The following PRDX4 variants were observed in gnomAD, a reference collection of about 807,000 sequenced individuals.
PRDX4 encodes peroxiredoxin-4.
PRDX4 carries 12 observed loss-of-function variants against 20.5 expected under a neutral mutation model. The observed-to-expected ratio is 0.58, with a 90% CI of 0.37 to 0.95. The LOEUF is 0.95. Among genes scored for constraint, PRDX4 ranks in the 40% least tolerant of loss-of-function variants. The pLI, the probability that PRDX4 is intolerant of heterozygous loss-of-function variation, is 0.01. For missense variants in PRDX4, 180 were observed against 207.3 expected (o/e 0.87, Z 0.81); for synonymous variants, 99 against 87.5 (o/e 1.13, Z -0.73).
chrX:23,675,375 T>G lies in PRDX4; in HGVS notation c.476+269T>G, dbSNP rs968370257. On this transcript the variant is annotated intron_variant, in intron 3 of 6. Transcript: ENST00000379341. ...AAAAGTTAAATGCAATAGATGTGAT[T>G]TCTATAGCGAAAACCACTGAATTAT... 6 of 444,566 alleles carry G rather than the reference T, an allele frequency of 1.3e-5. No homozygotes were observed. The African/African-American group carries it at 1.5e-4, about 11-fold the overall frequency. 36.6% of individuals were successfully genotyped at this position (444,566 alleles called of 1,213,427 possible).
At chrX:23,680,879 C>G (rs1221119397) in intron 4 of PRDX4, among the ~76,000 whole-genome samples, 1 of 110,421 alleles carries the variant, frequency 9.1e-6, no homozygotes, top group East Asian at 2.8e-4. Flanking sequence ...CCACTGCACT[C>G]TCGCCTGGGT....
chrX:23,681,252 G>T (rs976470552), intron 4 of PRDX4, among the ~76,000 whole-genome samples: 1 of 111,257 alleles, frequency 9.0e-6, no homozygotes, highest in African/African-American at 3.3e-5. Context: ...AATAAATAAA[G>T]AATACATTTC....
intron 3 of PRDX4, among the ~76,000 whole-genome samples, chrX:23,677,981 A>G (rs1374867993): frequency 2.7e-5 from 3 of 112,489 alleles, no homozygotes. Flanking sequence ...GTTTATCAAG[A>G]CACAGCCCCA....
chrX:23,677,007 T>A lies in PRDX4; in HGVS notation c.476+1901T>A, dbSNP rs760259563. ...GCACCACCATACCTATTTTAATTTT[T>A]ATTTTTGTAGAGATGGAGTCTTGCC... On this transcript the variant is annotated intron_variant, in intron 3 of 6. Transcript: ENST00000379341. Among the ~76,000 whole-genome samples the A allele has an allele frequency of 3.4e-3, 373 of 110,721 alleles. 2 individuals are homozygous for A. Among genetic ancestry groups the A allele is most frequent in the African/African-American group, 0.011 (339 of 30,484 alleles).
intron 4 of PRDX4, among the ~76,000 whole-genome samples, chrX:23,679,897 G>A (rs1019082280): frequency 1.8e-5 from 2 of 111,444 alleles, no homozygotes; most frequent in Non-Finnish European, 3.8e-5. Flanking sequence ...CAGGAGAATC[G>A]CTCGAACCCA....
intron 6 of PRDX4, among the ~76,000 whole-genome samples, chrX:23,685,257 G>A (rs112125823): frequency 0.015 from 1,716 of 112,190 alleles, 19 homozygotes; most frequent in Middle Eastern, 0.046. Flanking sequence ...TGGAGATGAT[G>A]TTTTCATCAG....
At chrX:23,679,028 AAGTAT>A (rs1370994472) in intron 3 of PRDX4, 132 bp from the exon 4 acceptor site, 15 of 617,312 alleles carry the variant, frequency 2.4e-5, no homozygotes, top group Non-Finnish European at 3.7e-5. Context: ...AGAAAATAGA[AAGTAT>A]ATTAGCCTGT....
rs979857075 is a variant in PRDX4 at position 23,674,922 on chromosome X, G to A, written c.360-68G>A. 4 of 1,136,986 alleles carry A rather than the reference G, an allele frequency of 3.5e-6. No individual in the cohort carries two copies. The African/African-American group carries it at 5.5e-5, about 16-fold the overall frequency. The allele number at this position is 1,136,986 out of a possible 1,213,427, so 93.7% of individuals were successfully genotyped here. On this transcript the variant is annotated intron_variant, in intron 2 of 6. Coordinates refer to ENST00000379341, the MANE Select transcript of PRDX4 (RefSeq NM_006406.2). ...ATTATTAAAGGTATTTGTAAAAATTGTCATTTGAAAGTTTAGGTATATGCT... is the reference window on the plus strand; with the variant it reads ...ATTATTAAAGGTATTTGTAAAAATTATCATTTGAAAGTTTAGGTATATGCT...
chrX:23,671,945 T>C (rs1270482830), intron 2 of PRDX4, among the ~76,000 whole-genome samples: 2 of 112,418 alleles, frequency 1.8e-5, no homozygotes, highest in African/African-American at 6.5e-5. Flanking sequence ...AAGCATTTAA[T>C]AGCAAGACCT....
intron 2 of PRDX4, among the ~76,000 whole-genome samples, chrX:23,672,154 G>A (rs1427804982): frequency 8.1e-5 from 9 of 111,313 alleles, no homozygotes; most frequent in African/African-American, 2.9e-4. Context: ...CCAGCTACTC[G>A]GGAGGCTGAG....
intron 5 of PRDX4, among the ~76,000 whole-genome samples, chrX:23,682,921 A>T (rs914041533): frequency 1.7e-4 from 17 of 97,344 alleles, no homozygotes; most frequent in Non-Finnish European, 3.5e-4. Flanking sequence ...AAAAATATTC[A>T]CTATTTGCAT....
At chrX:23,682,877 T>TATATATATATAA (rs1431021204) in intron 5 of PRDX4, among the ~76,000 whole-genome samples, 11 of 65,540 alleles carry the variant, frequency 1.7e-4, no homozygotes, top group African/African-American at 6.4e-4. Context: ...TATATATATA[T>TATATATATATAA]AAACTAATAT....
chrX:23,673,093 G>C (rs770337817), intron 2 of PRDX4, among the ~76,000 whole-genome samples: 1 of 112,129 alleles, frequency 8.9e-6, no homozygotes, highest in South Asian at 3.7e-4. Context: ...TATAAAACCA[G>C]AAGGTTAACA....
In PRDX4 at chrX:23,683,656, T is replaced by C. The variant is rs1487392648; in HGVS notation, c.731-15T>C. ...TGTTTTTAAAATGTCTTCTGCCTCT[T>C]TTTGTTTCTTTTAGTCTGCCCTGCT... On this transcript the variant is annotated splice_polypyrimidine_tract_variant and intron_variant, in intron 5 of 6. Transcript: ENST00000379341. 8.3e-7 allele frequency: 1 copy of C among 1,205,064 alleles called. No individual in the cohort carries two copies. Among genetic ancestry groups the C allele is most frequent in the Non-Finnish European group, 1.1e-6 (1 of 891,816 alleles).
At chrX:23,670,059 TTA>T (rs1927815780) in intron 1 of PRDX4, among the ~76,000 whole-genome samples, 1 of 112,247 alleles carries the variant, frequency 8.9e-6, no homozygotes, top group Non-Finnish European at 1.9e-5. Flanking sequence ...ACCAGAATCT[TTA>T]TGTTAATTAC....
chrX:23,685,531 C>G (rs1271496527), intron 6 of PRDX4, among the ~76,000 whole-genome samples: 1 of 96,875 alleles, frequency 1.0e-5, no homozygotes, highest in Non-Finnish European at 2.1e-5. Context: ...AGTAAGTTTG[C>G]TATTGTAACA....
Position 23,667,496 on chromosome X carries a change from C to T in PRDX4, c.-75C>T. On this transcript the variant is annotated 5_prime_UTR_variant, in exon 1 of 7. Transcript: ENST00000379341. Reference sequence around the variant, plus strand: ...CGCCCCGGTTCGCGCGGGCGTCGTGCACGCGGTTGTAGCTGCCCGGCGGCG... The same window carrying T: ...CGCCCCGGTTCGCGCGGGCGTCGTGTACGCGGTTGTAGCTGCCCGGCGGCG... The T allele has an allele frequency of 1.8e-6, 2 of 1,097,574 alleles. No individual in the cohort carries two copies. The highest frequency in any genetic ancestry group is 2.3e-5 in the South Asian group (1 of 43,558). 90.5% of individuals were successfully genotyped at this position (1,097,574 alleles called of 1,213,427 possible).
intron 5 of PRDX4, 119 bp downstream of exon 5, chrX:23,682,645 G>A (rs1461274071): frequency 3.5e-6 from 2 of 575,870 alleles, no homozygotes; most frequent in African/African-American, 2.6e-5. Flanking sequence ...CAAATTATTA[G>A]CAGATCCTTT....
chrX:23,683,771 G>C, intron 6 of PRDX4, 66 bp downstream of exon 6: 2 of 1,014,246 alleles, frequency 2.0e-6, no homozygotes, highest in Admixed American at 2.5e-5. Flanking sequence ...CTGGCCGGGC[G>C]CAGTGGCTCA....
Sources: allele counts gnomAD v4.1 joint callset (sites outside exome capture counted in the v4.1 genomes callset), GRCh38; gene constraint gnomAD v4.1.1; transcripts MANE v1.5; gene names NCBI Gene and HGNC (gene_info 2026-07-23, HGNC 2026-07-21).